Variants in SLC4A4 observed in about 807,000 individuals in gnomAD.
SLC4A4 encodes the protein electrogenic sodium bicarbonate cotransporter 1.
In SLC4A4, 27 loss-of-function variants were observed where a neutral mutation model predicts 111.5. The observed-to-expected ratio is 0.24, with a 90% confidence interval of 0.18 to 0.33. SLC4A4 has a LOEUF of 0.33. Among genes scored for constraint, SLC4A4 ranks in the 10% least tolerant of loss-of-function variants. The pLI is 1.00. For missense variants in SLC4A4, 909 were observed against 1,315.5 expected (o/e 0.69, Z 4.78); for synonymous variants, 443 against 463.4 (o/e 0.96, Z 0.57).
chr4:71,471,496 C>G (rs1727863926), intron 13 of SLC4A4, among the ~76,000 whole-genome samples: 1 of 151,774 alleles, frequency 6.6e-6, no homozygotes, highest in Non-Finnish European at 1.5e-5. Flanking sequence ...AGTTGACTGC[C>G]TATGGGAAAG....
chr4:71,309,833 T>C (rs1331310725), intron 3 of SLC4A4, among the ~76,000 whole-genome samples: 2 of 151,954 alleles, frequency 1.3e-5, no homozygotes, highest in Non-Finnish European at 2.9e-5. Context: ...CCGAATGAGT[T>C]TGATGAATTG....
intron 3 of SLC4A4, among the ~76,000 whole-genome samples, chr4:71,260,152 T>C (rs940631855): frequency 6.6e-6 from 1 of 152,178 alleles, no homozygotes; most frequent in Non-Finnish European, 1.5e-5. Flanking sequence ...CCAGTTATAT[T>C]CAGGAAACTG....
chr4:71,088,360 T>G (rs1367016670), intron 1 of SLC4A4, among the ~76,000 whole-genome samples: 3 of 152,010 alleles, frequency 2.0e-5, no homozygotes, highest in Non-Finnish European at 4.4e-5. Flanking sequence ...CTTTATCCAA[T>G]TTGCCAGTCT....
rs1290645994 is a variant in SLC4A4, at chr4:71,487,053, T to C, written c.1974+35T>C. 4.2e-6 allele frequency: 5 copies of C among 1,197,308 alleles called. No homozygotes were observed. In the South Asian group the frequency reaches 6.1e-5, roughly 15 times the overall value. 74.2% of individuals were successfully genotyped at this position (1,197,308 alleles called of 1,614,324 possible). On this transcript the variant is annotated intron_variant, in intron 15 of 25. Coordinates refer to ENST00000264485, the MANE Select transcript of SLC4A4 (RefSeq NM_001098484.3). ...TTACTATTTTAAATTACCTTCATACTGACTGCATATTGTATACTTGTTTAT... is the reference window on the plus strand; with the variant it reads ...TTACTATTTTAAATTACCTTCATACCGACTGCATATTGTATACTTGTTTAT...
chr4:71,120,320 TC>T (rs1743379065), intron 2 of SLC4A4, among the ~76,000 whole-genome samples: 1 of 152,178 alleles, frequency 6.6e-6, no homozygotes, highest in South Asian at 2.1e-4. Flanking sequence ...GGTTTCTTGT[TC>T]CACCAGGGTG....
intron 20 of SLC4A4, among the ~76,000 whole-genome samples, 170 bp downstream of exon 20, chr4:71,547,890 C>T (rs183623708): frequency 6.6e-5 from 10 of 151,942 alleles, no homozygotes; most frequent in East Asian, 5.9e-4. Flanking sequence ...GTCTTGATTT[C>T]CTTCTCACTC....
chr4:71,243,836 C>T (rs944866205), intron 2 of SLC4A4, among the ~76,000 whole-genome samples: 2 of 152,126 alleles, frequency 1.3e-5, no homozygotes, highest in African/African-American at 4.8e-5. Flanking sequence ...GTGTACCTTT[C>T]TTCATATTCT....
chr4:71,090,172 C>T (rs954352650), intron 1 of SLC4A4, among the ~76,000 whole-genome samples: 10 of 151,464 alleles, frequency 6.6e-5, no homozygotes, highest in East Asian at 5.8e-4. Flanking sequence ...AGCGAGGCTC[C>T]GTGGGTGTAG....
chr4:71,131,090 A>G (rs1341212906), intron 2 of SLC4A4, among the ~76,000 whole-genome samples: 1 of 152,218 alleles, frequency 6.6e-6, no homozygotes, highest in African/African-American at 2.4e-5. Context: ...TGTCTTCTCA[A>G]CCACTGACTT....
intron 16 of SLC4A4, among the ~76,000 whole-genome samples, chr4:71,526,728 A>G (rs932445644): frequency 5.3e-5 from 8 of 152,064 alleles, no homozygotes; most frequent in Non-Finnish European, 8.8e-5. Context: ...GAGATCAGAA[A>G]TCTGAAATGG....
intron 3 of SLC4A4, among the ~76,000 whole-genome samples, chr4:71,256,949 A>G (rs1001471615): frequency 1.3e-5 from 2 of 152,188 alleles, no homozygotes; most frequent in African/African-American, 4.8e-5. Context: ...CATCATCACT[A>G]TTAATGTTAA....
chr4:71,148,305 C>A (rs190649971), intron 2 of SLC4A4, among the ~76,000 whole-genome samples: 2 of 152,130 alleles, frequency 1.3e-5, no homozygotes, highest in African/African-American at 4.8e-5. Flanking sequence ...TGGTCTCTCT[C>A]GAGCTCTTCT....
intron 5 of SLC4A4, among the ~76,000 whole-genome samples, chr4:71,355,343 T>G (rs1418538268): frequency 6.6e-6 from 1 of 152,224 alleles, no homozygotes; most frequent in Non-Finnish European, 1.5e-5. Context: ...ACTTTCCACT[T>G]TAAAAGGACT....
At chr4:71,259,745 C>T (rs2149066393) in intron 3 of SLC4A4, among the ~76,000 whole-genome samples, 1 of 152,212 alleles carries the variant, frequency 6.6e-6, no homozygotes, top group East Asian at 1.9e-4. Flanking sequence ...CATACCTTCC[C>T]AGCCTACATG....
chr4:71,202,706 T>A (rs1746314664), intron 1 of SLC4A4, among the ~76,000 whole-genome samples: 1 of 152,158 alleles, frequency 6.6e-6, no homozygotes, highest in Non-Finnish European at 1.5e-5. Context: ...GTACTTATTC[T>A]CCATTTCTTT....
At chr4:71,156,588 GCACACA>G (rs1553957345) in intron 2 of SLC4A4, among the ~76,000 whole-genome samples, 2 of 138,572 alleles carry the variant, frequency 1.4e-5, no homozygotes, top group South Asian at 2.7e-4. Flanking sequence ...GCGCGCGCGC[GCACACA>G]CACACACACA....
chr4:71,287,366 G>A (rs1350004499), intron 3 of SLC4A4, among the ~76,000 whole-genome samples: 1 of 152,190 alleles, frequency 6.6e-6, no homozygotes, highest in African/African-American at 2.4e-5. Context: ...TACAAAGAGT[G>A]GGAAAGGCAT....
At chr4:71,245,321 G>T (rs1257722469) in intron 2 of SLC4A4, among the ~76,000 whole-genome samples, 1 of 152,192 alleles carries the variant, frequency 6.6e-6, no homozygotes, top group Non-Finnish European at 1.5e-5. Context: ...GACCAAATTT[G>T]TATTTTAGAA....
At chr4:71,344,199 C>T (rs774289558) in intron 4 of SLC4A4, among the ~76,000 whole-genome samples, 75 of 152,166 alleles carry the variant, frequency 4.9e-4, no homozygotes, top group Non-Finnish European at 4.7e-4. Flanking sequence ...GCACACAGGT[C>T]ATGCTCAACA....
Sources: allele counts gnomAD v4.1 joint callset (sites outside exome capture counted in the v4.1 genomes callset), GRCh38; gene constraint gnomAD v4.1.1; transcripts MANE v1.5; gene names NCBI Gene and HGNC (gene_info 2026-07-23, HGNC 2026-07-21).